Variants in EXOC6 observed in about 807,000 individuals in gnomAD.
EXOC6 encodes SEC15-like 1.
In EXOC6, 60 loss-of-function variants were observed where a neutral mutation model predicts 112.5. The ratio of observed to expected loss-of-function variants is 0.53; its 90% CI spans 0.43 to 0.66. The LOEUF (loss-of-function observed/expected upper bound fraction) is 0.66. Ranked by LOEUF, EXOC6 falls within the 30% of genes least tolerant of loss-of-function variation. The pLI, the probability that EXOC6 is intolerant of heterozygous loss-of-function variation, is 0.00. For synonymous variants in EXOC6, 295 were observed against 308.0 expected (o/e 0.96, Z 0.44); for missense variants, 855 against 957.1 (o/e 0.89, Z 1.41).
chr10:92,877,671 G>A (rs1017282732), intron 1 of EXOC6, among the ~76,000 whole-genome samples: 1 of 152,150 alleles, frequency 6.6e-6, no homozygotes, highest in Admixed American at 6.5e-5. Context: ...AGTGGACTGT[G>A]TAGTCAGGGT....
At chr10:92,926,266 A>G (rs1387515019) in intron 8 of EXOC6, among the ~76,000 whole-genome samples, 1 of 151,814 alleles carries the variant, frequency 6.6e-6, no homozygotes, top group Non-Finnish European at 1.5e-5. Flanking sequence ...CACTCAGAAG[A>G]AAAAAAACCC....
At chr10:92,858,609 T>C (rs1256181095) in intron 1 of EXOC6, among the ~76,000 whole-genome samples, 1 of 152,238 alleles carries the variant, frequency 6.6e-6, no homozygotes, top group Non-Finnish European at 1.5e-5. Flanking sequence ...AAAAAATAAT[T>C]TCTACTTCTT....
At chr10:92,974,556 CGTCTCCCTCTCCCCACG>C (rs1842423757) in intron 18 of EXOC6, among the ~76,000 whole-genome samples, 1 of 149,262 alleles carries the variant, frequency 6.7e-6, no homozygotes, top group African/African-American at 2.6e-5. Context: ...CTCCCTCTCC[CGTCTCCCTCTCCCCACG>C]GTCTCCCTCT....
intron 17 of EXOC6, among the ~76,000 whole-genome samples, chr10:92,962,889 C>T (rs993512286): frequency 3.3e-5 from 5 of 152,116 alleles, no homozygotes; most frequent in African/African-American, 1.2e-4. Context: ...AATTTGCATA[C>T]CTTTAGATGA....
intron 1 of EXOC6, among the ~76,000 whole-genome samples, chr10:92,868,853 A>G (rs1848309210): frequency 1.5e-5 from 2 of 132,542 alleles, no homozygotes; most frequent in Admixed American, 8.7e-5. Flanking sequence ...CTTGCTAGAG[A>G]CCAGGCTGGA....
intron 17 of EXOC6, among the ~76,000 whole-genome samples, chr10:92,966,503 G>A (rs1379874824): frequency 7.3e-6 from 1 of 137,320 alleles, no homozygotes; most frequent in African/African-American, 2.8e-5. Flanking sequence ...TGTTCTCATT[G>A]TTCAATTCCC....
intron 20 of EXOC6, among the ~76,000 whole-genome samples, chr10:93,014,542 T>C (rs779385860): frequency 6.6e-6 from 1 of 152,212 alleles, no homozygotes; most frequent in Non-Finnish European, 1.5e-5. Flanking sequence ...CTTTGTAGCT[T>C]GCTATAATGA....
chr10:92,847,727 T>C (rs1847105991), upstream of EXOC6, among the ~76,000 whole-genome samples: 1 of 151,918 alleles, frequency 6.6e-6, no homozygotes, highest in Non-Finnish European at 1.5e-5. Flanking sequence ...CCCACCTCCC[T>C]GCTGCTAACC....
chr10:93,001,059 T>C (rs1659551775), intron 19 of EXOC6, among the ~76,000 whole-genome samples: 3 of 152,294 alleles, frequency 2.0e-5, no homozygotes, highest in South Asian at 4.1e-4. Context: ...GTATGTATGC[T>C]TTCTGCATAT....
At chr10:93,020,115 T>G (rs960814051) in intron 20 of EXOC6, among the ~76,000 whole-genome samples, 5 of 152,174 alleles carry the variant, frequency 3.3e-5, no homozygotes, top group Non-Finnish European at 5.9e-5. Context: ...ATACATGTAT[T>G]AGATTCTAGC....
At chr10:92,863,486 A>G (rs954031260) in intron 1 of EXOC6, among the ~76,000 whole-genome samples, 1 of 152,156 alleles carries the variant, frequency 6.6e-6, no homozygotes, top group Non-Finnish European at 1.5e-5. Flanking sequence ...GGTGTAAAAG[A>G]TGTCTTGAGG....
chr10:93,032,961 G>A (rs1193498710), intron 20 of EXOC6, among the ~76,000 whole-genome samples: 1 of 152,110 alleles, frequency 6.6e-6, no homozygotes, highest in Non-Finnish European at 1.5e-5. Flanking sequence ...CAAGAGCAAA[G>A]TCCTAAGGTG....
intron 5 of EXOC6, chr10:92,900,467 G>A (rs977682762): frequency 6.6e-6 from 1 of 152,080 alleles, no homozygotes; most frequent in African/African-American, 2.4e-5. Flanking sequence ...TGTGCTACAT[G>A]TTGAATTTCA....
intron 5 of EXOC6, among the ~76,000 whole-genome samples, chr10:92,906,840 G>A (rs1354606466): frequency 6.6e-6 from 1 of 152,078 alleles, no homozygotes; most frequent in Non-Finnish European, 1.5e-5. Flanking sequence ...GATCATAGGT[G>A]CTTTTTATAT....
chr10:92,844,125 T>C (rs1171413361), upstream of EXOC6, among the ~76,000 whole-genome samples: 2 of 142,360 alleles, frequency 1.4e-5, no homozygotes, highest in Non-Finnish European at 3.0e-5. Context: ...CACTCCAGCC[T>C]GGTGACAGAG....
At chr10:92,831,154 A>C (rs1030859694), upstream of EXOC6, among the ~76,000 whole-genome samples, 3 of 152,112 alleles carry the variant, frequency 2.0e-5, no homozygotes, top group Non-Finnish European at 4.4e-5. Context: ...AGAAGAAAGT[A>C]AGAGGCAGAC....
rs1166282626 is a variant in EXOC6, at chr10:93,025,064, A to G, written c.2169+10797A>G. On this transcript the variant is annotated intron_variant, in intron 20 of 21. Transcript: ENST00000260762. Reference sequence around the variant, plus strand: ...GAGACAGAATCAAAGTATTCTGAGTAGGCTTGAGTGATGAGCTGAAGCCAA... The same window carrying G: ...GAGACAGAATCAAAGTATTCTGAGTGGGCTTGAGTGATGAGCTGAAGCCAA... 2.0e-5 allele frequency among the ~76,000 whole-genome samples: 3 copies of G among 152,246 alleles called. No individual in the cohort carries two copies. In the East Asian group the frequency reaches 5.8e-4, roughly 29 times the overall value.
chr10:92,933,248 A>G (rs1852152203), intron 9 of EXOC6, among the ~76,000 whole-genome samples: 1 of 152,140 alleles, frequency 6.6e-6, no homozygotes, highest in Non-Finnish European at 1.5e-5. Context: ...GTTTTAAAAT[A>G]TGTGTCAGTA....
chr10:93,058,185 T>C, intron 21 of EXOC6, 38 bp from the exon 22 acceptor site: 1 of 1,578,910 alleles, frequency 6.3e-7, no homozygotes, highest in South Asian at 1.2e-5. Flanking sequence ...GCTTTTAATT[T>C]TCTTTTACCA....
Sources: gnomAD v4.1 joint callset for allele counts (sites outside exome capture counted in the v4.1 genomes callset) on GRCh38, gnomAD v4.1.1 for gene constraint, MANE v1.5 for transcripts, NCBI Gene and HGNC (gene_info 2026-07-23, HGNC 2026-07-21) for gene names.